The following SSBP2 variants were observed in gnomAD, a reference collection of about 807,000 sequenced individuals.
SSBP2 encodes single stranded DNA binding protein 2, also known as single-stranded DNA-binding protein 2.
SSBP2 carries 17 observed loss-of-function variants against 61.8 expected under a neutral mutation model. That is an observed-to-expected ratio of 0.28 (90% CI 0.19 to 0.41). The LOEUF (loss-of-function observed/expected upper bound fraction) is 0.41, where lower values mean the gene tolerates loss of function less well. Ranked by LOEUF, SSBP2 falls within the 10% of genes least tolerant of loss-of-function variation. SSBP2 has a pLI of 1.00. For missense variants in SSBP2, 310 were observed against 458.7 expected (o/e 0.68, Z 2.96); for synonymous variants, 139 against 141.3 (o/e 0.98, Z 0.12).
intron 4 of SSBP2, among the ~76,000 whole-genome samples, chr5:81,614,875 A>G (rs374809550): frequency 6.6e-6 from 1 of 150,742 alleles, no homozygotes; most frequent in Non-Finnish European, 1.5e-5. Flanking sequence ...CAGTCCTTCT[A>G]AAAAAAAATG....
At chr5:81,728,176 T>C (rs1185027265) in intron 1 of SSBP2, among the ~76,000 whole-genome samples, 2 of 152,200 alleles carry the variant, frequency 1.3e-5, no homozygotes, top group African/African-American at 4.8e-5. Flanking sequence ...GGGAGTGACA[T>C]GACAAGATAG....
chr5:81,746,566 A>C (rs748626613), intron 1 of SSBP2, among the ~76,000 whole-genome samples: 46 of 152,168 alleles, frequency 3.0e-4, no homozygotes, highest in Non-Finnish European at 6.2e-4. Flanking sequence ...GGGGAGAACA[A>C]GGTGATGCTG....
chr5:81,715,992 G>A (rs1289479879), intron 1 of SSBP2, among the ~76,000 whole-genome samples: 3 of 152,052 alleles, frequency 2.0e-5, no homozygotes, highest in Non-Finnish European at 2.9e-5. Context: ...AGGAGGTGGA[G>A]GTTGCAATGA....
chr5:81,566,845 A>G (rs1773459359), intron 4 of SSBP2, among the ~76,000 whole-genome samples: 1 of 151,896 alleles, frequency 6.6e-6, no homozygotes, highest in Non-Finnish European at 1.5e-5. Context: ...AGCAAAGGTG[A>G]CTCTTTTTAT....
intron 4 of SSBP2, among the ~76,000 whole-genome samples, chr5:81,548,210 A>G (rs1771892529): frequency 6.6e-6 from 1 of 152,182 alleles, no homozygotes; most frequent in Non-Finnish European, 1.5e-5. Flanking sequence ...ATTAGGGTAT[A>G]CATAATGTAT....
intron 1 of SSBP2, among the ~76,000 whole-genome samples, chr5:81,736,837 A>G (rs1163581142): frequency 6.6e-6 from 1 of 152,224 alleles, no homozygotes; most frequent in African/African-American, 2.4e-5. Flanking sequence ...TAACCAAGGG[A>G]GAGTTAAAAA....
chr5:81,550,662 C>T (rs1772104677), intron 4 of SSBP2, among the ~76,000 whole-genome samples: 1 of 152,194 alleles, frequency 6.6e-6, no homozygotes, highest in African/African-American at 2.4e-5. Flanking sequence ...ATGTCAACAA[C>T]TCTCTATTTG....
At chr5:81,677,513 C>T (rs1752074460) in intron 1 of SSBP2, among the ~76,000 whole-genome samples, 2 of 152,054 alleles carry the variant, frequency 1.3e-5, no homozygotes, top group Non-Finnish European at 2.9e-5. Flanking sequence ...GTGGACAAGT[C>T]CAAGAGTAAA....
intron 1 of SSBP2, among the ~76,000 whole-genome samples, chr5:81,687,207 C>T (rs1752879378): frequency 6.6e-6 from 1 of 152,228 alleles, no homozygotes; most frequent in Non-Finnish European, 1.5e-5. Flanking sequence ...AGCACAGTGA[C>T]TGTGGGACTT....
At chr5:81,647,067 C>G (rs1337252514) in intron 2 of SSBP2, among the ~76,000 whole-genome samples, 1 of 152,156 alleles carries the variant, frequency 6.6e-6, no homozygotes, top group Non-Finnish European at 1.5e-5. Context: ...AATGGCTTAT[C>G]ACAAATCTAT....
intron 5 of SSBP2, among the ~76,000 whole-genome samples, chr5:81,511,679 C>G (rs1257140752): frequency 1.3e-5 from 2 of 152,156 alleles, no homozygotes; most frequent in Non-Finnish European, 2.9e-5. Flanking sequence ...TTTAATGGCT[C>G]TCTCATCCAG....
chr5:81,611,379 G>C (rs1318497760), intron 4 of SSBP2, among the ~76,000 whole-genome samples: 1 of 151,928 alleles, frequency 6.6e-6, no homozygotes, highest in Non-Finnish European at 1.5e-5. Flanking sequence ...AATGAAGCTG[G>C]ATAAAAAGTA....
intron 4 of SSBP2, among the ~76,000 whole-genome samples, chr5:81,589,233 G>A (rs1271155051): frequency 6.6e-6 from 1 of 152,118 alleles, no homozygotes; most frequent in Non-Finnish European, 1.5e-5. Context: ...GAGCTTTAAG[G>A]TTAAAAGACA....
rs1745247236 is a variant in SSBP2, at chr5:81,609,619, G to T, written c.282+5854C>A. Among the ~76,000 whole-genome samples the T allele has an allele frequency of 2.0e-5, 3 of 152,192 alleles. No individual in the cohort carries two copies. The South Asian group carries it at 6.2e-4, about 32-fold the overall frequency. On this transcript the variant is annotated intron_variant, in intron 4 of 16. Coordinates refer to ENST00000320672, the MANE Select transcript of SSBP2 (RefSeq NM_012446.5). ...ATGATAGAAGTGACAGTGCATCCCT[G>T]GTGAAACCCCACCTCCAAGCCAAAG... is the stretch of plus-strand genomic sequence containing the variant.
At chr5:81,494,707 A>C (rs1767158351) in intron 5 of SSBP2, among the ~76,000 whole-genome samples, 1 of 152,164 alleles carries the variant, frequency 6.6e-6, no homozygotes, top group South Asian at 2.1e-4. Flanking sequence ...CATCTATGGC[A>C]TTTTATTATA....
chr5:81,608,916 T>C lies in SSBP2; in HGVS notation c.282+6557A>G, dbSNP rs886590402. Among the ~76,000 whole-genome samples the C allele has an allele frequency of 5.3e-5, 8 of 152,222 alleles. No homozygotes were observed. The East Asian group carries it at 1.5e-3, about 29-fold the overall frequency. On this transcript the variant is annotated intron_variant, in intron 4 of 16. Coordinates refer to ENST00000320672, the MANE Select transcript of SSBP2 (RefSeq NM_012446.5). ...TGATTTGGAAGTTTTGATAACTAGT[T>C]GGAGGTAAAGAAGAATAAAGAGGAT...
chr5:81,449,369 T>A (rs1447627214), intron 10 of SSBP2, among the ~76,000 whole-genome samples: 1 of 152,196 alleles, frequency 6.6e-6, no homozygotes, highest in Non-Finnish European at 1.5e-5. Context: ...ATTTAAGAAA[T>A]GAAAAACCAG....
At chr5:81,501,896 C>T (rs910368995) in intron 5 of SSBP2, among the ~76,000 whole-genome samples, 3 of 151,954 alleles carry the variant, frequency 2.0e-5, no homozygotes, top group African/African-American at 7.3e-5. Context: ...AAAATGGTAC[C>T]CGATTGCTTG....
At position 81,583,985 on chromosome 5, in the gene SSBP2, T is replaced by G. The variant is rs182086249; in HGVS notation, c.282+31488A>C. 3.8e-3 allele frequency among the ~76,000 whole-genome samples: 575 copies of G among 152,370 alleles called. 2 individuals carry two copies. The highest frequency in any genetic ancestry group is 0.023 in the South Asian group (109 of 4,832). ...ACAATGATTATATTACAACAGTTTC[T>G]GTATTCAAAAACTAGTTTGATACAG... On this transcript the variant is annotated intron_variant, in intron 4 of 16. Coordinates refer to ENST00000320672, the MANE Select transcript of SSBP2 (RefSeq NM_012446.5).
Sources: gnomAD v4.1 joint callset for allele counts (sites outside exome capture counted in the v4.1 genomes callset) on GRCh38, gnomAD v4.1.1 for gene constraint, MANE v1.5 for transcripts, NCBI Gene and HGNC (gene_info 2026-07-23, HGNC 2026-07-21) for gene names.